SPON1: variants seen among roughly 807,000 people sequenced by gnomAD.
SPON1 encodes the protein spondin 1.
A neutral mutation model predicts 111.7 loss-of-function variants in SPON1; 52 were observed. The ratio of observed to expected loss-of-function variants is 0.47; its 90% CI spans 0.37 to 0.59. The LOEUF is 0.59. Among genes scored for constraint, SPON1 ranks in the 20% least tolerant of loss-of-function variants. SPON1 has a pLI of 0.00. For synonymous variants in SPON1, 410 were observed against 395.8 expected (o/e 1.04, Z -0.43); for missense variants, 957 against 1,068.5 (o/e 0.90, Z 1.46).
chr11:14,085,743 T>A (rs1230362738), intron 5 of SPON1, among the ~76,000 whole-genome samples: 1 of 152,226 alleles, frequency 6.6e-6, no homozygotes, highest in Non-Finnish European at 1.5e-5. Context: ...TTGGGCAGTA[T>A]GGCCATTTTC....
At chr11:14,168,519 A>T (rs1424371326) in intron 6 of SPON1, among the ~76,000 whole-genome samples, 2 of 151,968 alleles carry the variant, frequency 1.3e-5, no homozygotes, top group Admixed American at 6.6e-5. Flanking sequence ...TATTTTTATT[A>T]TACTTTAAGT....
chr11:14,057,587 G>A (rs1456275666), intron 3 of SPON1, among the ~76,000 whole-genome samples: 1 of 152,122 alleles, frequency 6.6e-6, no homozygotes, highest in Non-Finnish European at 1.5e-5. Context: ...CACAAAAAAA[G>A]TACTTGAGCT....
chr11:14,049,985 T>C (rs1312078904), intron 3 of SPON1, among the ~76,000 whole-genome samples: 5 of 149,082 alleles, frequency 3.4e-5, no homozygotes, highest in African/African-American at 1.2e-4. Flanking sequence ...GTCGATGCAA[T>C]CCAGGGTGGG....
intron 5 of SPON1, among the ~76,000 whole-genome samples, chr11:14,098,827 A>C (rs2133842519): frequency 6.6e-6 from 1 of 152,310 alleles, no homozygotes; most frequent in South Asian, 2.1e-4. Flanking sequence ...ATCTGACCCT[A>C]GAGTCCTTTC....
chr11:14,147,866 A>G (rs1371376776), intron 6 of SPON1, among the ~76,000 whole-genome samples: 3 of 152,126 alleles, frequency 2.0e-5, no homozygotes, highest in African/African-American at 7.2e-5. Context: ...ATCAAAACAC[A>G]TGGACAGGTC....
rs1368946765 is a variant in SPON1, at chr11:14,178,037, C to T, written c.825+42469C>T. ...CTGATTCTCTCACTGTTGTAAAACA[C>T]ACACACAAACACACACACACACACA... On this transcript the variant is annotated intron_variant, in intron 6 of 15. Coordinates refer to ENST00000576479, the MANE Select transcript of SPON1 (RefSeq NM_006108.4). Among the ~76,000 whole-genome samples, 3 of 145,652 alleles carry T rather than the reference C, an allele frequency of 2.1e-5. No individual in the cohort carries two copies. In the East Asian group the frequency reaches 5.9e-4, roughly 28 times the overall value.
At chr11:14,028,827 C>T (rs1848537976) in intron 2 of SPON1, among the ~76,000 whole-genome samples, 2 of 152,298 alleles carry the variant, frequency 1.3e-5, no homozygotes, top group Admixed American at 1.3e-4. Flanking sequence ...GTAGCTAAGG[C>T]AGAAATCAGA....
intron 5 of SPON1, among the ~76,000 whole-genome samples, chr11:14,130,215 A>G (rs1160452898): frequency 6.6e-6 from 1 of 152,192 alleles, no homozygotes; most frequent in Non-Finnish European, 1.5e-5. Context: ...TGACTCCAGA[A>G]CACATGTTCA....
chr11:14,210,975 T>C (rs1366837778), intron 6 of SPON1, among the ~76,000 whole-genome samples: 4 of 152,234 alleles, frequency 2.6e-5, no homozygotes, highest in Admixed American at 2.6e-4. Flanking sequence ...TCTGTTTTGA[T>C]ACCAGTACCA....
At chr11:14,104,942 A>C (rs1849173668) in intron 5 of SPON1, among the ~76,000 whole-genome samples, 1 of 152,150 alleles carries the variant, frequency 6.6e-6, no homozygotes. Flanking sequence ...CATTACAATG[A>C]AGTCCTTGTC....
At chr11:14,158,249 G>A (rs112494205) in intron 6 of SPON1, among the ~76,000 whole-genome samples, 67 of 152,136 alleles carry the variant, frequency 4.4e-4, no homozygotes, top group African/African-American at 1.6e-3. Context: ...AGCTCTTCAG[G>A]GTTCCTCACT....
chr11:14,029,173 G>C (rs1314397441), intron 2 of SPON1, among the ~76,000 whole-genome samples: 2 of 152,056 alleles, frequency 1.3e-5, no homozygotes, highest in East Asian at 3.9e-4. Flanking sequence ...TTCTACTGGA[G>C]CCTGTCCATT....
At chr11:14,115,236 T>G (rs1228614348) in intron 5 of SPON1, among the ~76,000 whole-genome samples, 1 of 152,202 alleles carries the variant, frequency 6.6e-6, no homozygotes, top group African/African-American at 2.4e-5. Flanking sequence ...TAACTCTGCT[T>G]CTGCCGTCAC....
At chr11:14,247,979 A>G (rs1849010420) in intron 7 of SPON1, among the ~76,000 whole-genome samples, 1 of 152,250 alleles carries the variant, frequency 6.6e-6, no homozygotes, top group Non-Finnish European at 1.5e-5. Context: ...ACTGAGTTCC[A>G]AAGATCTCTA....
intron 2 of SPON1, among the ~76,000 whole-genome samples, chr11:13,994,787 A>G (rs1848258887): frequency 6.6e-6 from 1 of 152,222 alleles, no homozygotes; most frequent in Admixed American, 6.5e-5. Flanking sequence ...TCCATGAGAT[A>G]GGACCACAGA....
chr11:14,031,201 A>G (rs1447842664), intron 2 of SPON1, among the ~76,000 whole-genome samples: 1 of 152,152 alleles, frequency 6.6e-6, no homozygotes, highest in Non-Finnish European at 1.5e-5. Flanking sequence ...GGGCTACCGG[A>G]GCAGGAAGAG....
chr11:14,180,369 A>G (rs1432218071), intron 6 of SPON1, among the ~76,000 whole-genome samples: 2 of 151,814 alleles, frequency 1.3e-5, no homozygotes, highest in African/African-American at 4.8e-5. Context: ...AAACACACAC[A>G]CCCTTTGCTT....
At chr11:14,264,173 G>A (rs534899207) in intron 15 of SPON1, among the ~76,000 whole-genome samples, 6 of 152,316 alleles carry the variant, frequency 3.9e-5, no homozygotes, top group Admixed American at 3.9e-4. Flanking sequence ...AGAGGACAAG[G>A]CAGGCAGGAA....
intron 6 of SPON1, among the ~76,000 whole-genome samples, chr11:14,163,938 T>C (rs1196824330): frequency 6.6e-6 from 1 of 152,108 alleles, no homozygotes; most frequent in Non-Finnish European, 1.5e-5. Context: ...ACTTGTGCTC[T>C]AAAGCCCTTC....
Sources: allele counts gnomAD v4.1 joint callset (sites outside exome capture counted in the v4.1 genomes callset), GRCh38; gene constraint gnomAD v4.1.1; transcripts MANE v1.5; gene names NCBI Gene and HGNC (gene_info 2026-07-23, HGNC 2026-07-21).